Variants in CNTN5 observed in about 807,000 individuals in gnomAD.
CNTN5 encodes the protein contactin-5.
CNTN5 carries 77 observed loss-of-function variants against 129.1 expected under a neutral mutation model. The ratio of observed to expected loss-of-function variants is 0.60; its 90% confidence interval spans 0.50 to 0.72. CNTN5 has a LOEUF of 0.72. CNTN5 is among the 30% of genes least tolerant of loss of function. CNTN5 has a pLI of 0.00. For missense variants in CNTN5, 1,478 were observed against 1,328.8 expected, an observed-to-expected ratio of 1.11 and a Z score of -1.75; for synonymous variants, 509 against 465.6, an observed-to-expected ratio of 1.09 and a Z score of -1.20.
intron 3 of CNTN5, among the ~76,000 whole-genome samples, chr11:99,758,822 G>A (rs936728797): frequency 6.6e-6 from 1 of 152,028 alleles, no homozygotes; most frequent in Non-Finnish European, 1.5e-5. Context: ...GCATTTTGAG[G>A]TTATTCATAA....
intron 3 of CNTN5, among the ~76,000 whole-genome samples, chr11:99,676,675 G>GT (rs1440736875): frequency 6.6e-6 from 1 of 152,140 alleles, no homozygotes; most frequent in Admixed American, 6.5e-5. Flanking sequence ...AAAAACATAT[G>GT]TAACAAACCT....
At chr11:99,439,004 G>A (rs776237205) in intron 2 of CNTN5, among the ~76,000 whole-genome samples, 2 of 152,044 alleles carry the variant, frequency 1.3e-5, no homozygotes, top group Admixed American at 6.6e-5. Context: ...TGATTTTAAT[G>A]AACACTATGA....
chr11:99,572,769 A>T (rs576802095), intron 3 of CNTN5, among the ~76,000 whole-genome samples: 199 of 2,684 alleles, frequency 0.074, 1 homozygote, highest in African/African-American at 0.1. Context: ...GGTTTTTTTT[A>T]AAAAATAGAT....
chr11:99,939,584 G>A (rs1392576516), intron 7 of CNTN5, among the ~76,000 whole-genome samples: 2 of 151,880 alleles, frequency 1.3e-5, no homozygotes, highest in African/African-American at 4.8e-5. Context: ...CAATCTAATA[G>A]TGTCCATGTG....
chr11:99,712,916 G>C (rs571583169), intron 3 of CNTN5, among the ~76,000 whole-genome samples: 2 of 152,096 alleles, frequency 1.3e-5, no homozygotes, highest in East Asian at 3.9e-4. Context: ...GTAGAGTGAT[G>C]TCTCCAGCTT....
chr11:100,089,420 G>T (rs1944670640), intron 13 of CNTN5, among the ~76,000 whole-genome samples: 1 of 152,030 alleles, frequency 6.6e-6, no homozygotes, highest in Non-Finnish European at 1.5e-5. Flanking sequence ...GATGCTTGTT[G>T]GGCTGTGGAG....
At chr11:99,733,844 T>A in intron 3 of CNTN5, among the ~76,000 whole-genome samples, 1 of 152,012 alleles carries the variant, frequency 6.6e-6, no homozygotes, top group East Asian at 1.9e-4. Context: ...AAGGAGCGAG[T>A]AGCTCCAGAG....
In CNTN5 at chr11:99,534,022, A is replaced by G. The variant is rs540593027; in HGVS notation, c.-70-22123A>G. 2.6e-5 allele frequency among the ~76,000 whole-genome samples: 4 copies of G among 152,332 alleles called. No homozygotes were observed. In the South Asian group the frequency reaches 6.2e-4, roughly 24 times the overall value. ...TAATGCAACAATTCTGTTAAAACCC[A>G]TCAAATGTCTGCCTTCTTGATCAAA... On this transcript the variant is annotated intron_variant, in intron 2 of 24. Transcript: ENST00000524871.
At chr11:99,541,956 C>CAAAAAAAAAAAAAAAAAAA (rs56363127) in intron 2 of CNTN5, among the ~76,000 whole-genome samples, 22 of 68,810 alleles carry the variant, frequency 3.2e-4, no homozygotes, top group Non-Finnish European at 3.9e-4. Flanking sequence ...GATCTTGTCT[C>CAAAAAAAAAAAAAAAAAAA]AAAAAAAAAA....
chr11:99,182,714 C>T lies in CNTN5; in HGVS notation c.-209-142632C>T, dbSNP rs1348617395. ...AATAAGTTCCAGTTTTTAACGTACT[C>T]GGGCTCCTTTATTTAGTCGTCAAGC... is the stretch of plus-strand genomic sequence containing the variant. On this transcript the variant is annotated intron_variant, in intron 1 of 24. Transcript: ENST00000524871. Among the ~76,000 whole-genome samples the T allele has an allele frequency of 1.2e-4, 19 of 152,228 alleles. 1 individual carries two copies. Among genetic ancestry groups the T allele is most frequent in the Admixed American group, 1.2e-3 (18 of 15,290 alleles).
At chr11:99,333,484 T>C (rs2614545) in intron 2 of CNTN5, among the ~76,000 whole-genome samples, 151,825 of 152,162 alleles carry the variant, frequency 1, 75,746 homozygotes, top group Middle Eastern at 1. Flanking sequence ...CCATATTTTA[T>C]TGAATATTTC....
chr11:99,647,468 G>A (rs1952008798), intron 3 of CNTN5, among the ~76,000 whole-genome samples: 1 of 151,746 alleles, frequency 6.6e-6, no homozygotes, highest in Non-Finnish European at 1.5e-5. Flanking sequence ...AAATCTAGTA[G>A]TCTCATACTT....
At chr11:100,243,932 C>G (rs570994718) in intron 16 of CNTN5, among the ~76,000 whole-genome samples, 22 of 152,204 alleles carry the variant, frequency 1.4e-4, no homozygotes, top group Admixed American at 1.3e-3. Flanking sequence ...TTCTGAGATC[C>G]TCCTCCAGAC....
At chr11:99,338,873 A>T (rs967276914) in intron 2 of CNTN5, among the ~76,000 whole-genome samples, 3 of 139,878 alleles carry the variant, frequency 2.1e-5, no homozygotes, top group Non-Finnish European at 4.6e-5. Flanking sequence ...ATTTTCTAAG[A>T]GTTTTGTTGG....
Position 100,057,319 on chromosome 11 carries a change from A to T in CNTN5, c.981-3893A>T, listed in dbSNP as rs550184390. ...AAACAGAAACTCATGAATTACAACA[A>T]AAAAGTAATAAAAACTTAAAATGCT... is the stretch of plus-strand genomic sequence containing the variant. On this transcript the variant is annotated intron_variant, in intron 9 of 24. Coordinates refer to ENST00000524871, the MANE Select transcript of CNTN5 (RefSeq NM_014361.4). Among the ~76,000 whole-genome samples the T allele has an allele frequency of 1.8e-3, 271 of 150,122 alleles. 1 individual carries two copies. Among genetic ancestry groups the T allele is most frequent in the Non-Finnish European group, 2.4e-3 (165 of 67,418 alleles).
At chr11:100,059,287 C>A (rs1943364895) in intron 9 of CNTN5, among the ~76,000 whole-genome samples, 1 of 151,990 alleles carries the variant, frequency 6.6e-6, no homozygotes. Flanking sequence ...AAAATGCTAC[C>A]AAATACTTCA....
At chr11:99,821,651 A>G (rs1946804766) in intron 4 of CNTN5, among the ~76,000 whole-genome samples, 1 of 152,162 alleles carries the variant, frequency 6.6e-6, no homozygotes, top group Admixed American at 6.5e-5. Context: ...ATGAAACCCA[A>G]ACAGAAACAA....
At chr11:99,635,174 C>G (rs1951505824) in intron 3 of CNTN5, among the ~76,000 whole-genome samples, 1 of 152,086 alleles carries the variant, frequency 6.6e-6, no homozygotes, top group African/African-American at 2.4e-5. Context: ...CAAACAAAAT[C>G]TTCAACATGT....
intron 1 of CNTN5, among the ~76,000 whole-genome samples, chr11:99,125,028 A>G (rs1402627676): frequency 6.6e-6 from 1 of 152,006 alleles, no homozygotes; most frequent in Non-Finnish European, 1.5e-5. Context: ...AATTCTACCT[A>G]GAGATGTATA....
Sources: gnomAD v4.1 joint callset for allele counts (sites outside exome capture counted in the v4.1 genomes callset) on GRCh38, gnomAD v4.1.1 for gene constraint, MANE v1.5 for transcripts, NCBI Gene and HGNC (gene_info 2026-07-23, HGNC 2026-07-21) for gene names.